The following ZC2HC1B variants were observed in gnomAD, a reference collection of about 807,000 sequenced individuals.
The protein encoded by ZC2HC1B is zinc finger C2HC-type containing 1B.
A neutral mutation model predicts 31.0 loss-of-function variants in ZC2HC1B; 36 were observed. The observed-to-expected ratio is 1.16, with a 90% CI of 0.89 to 1.54. The LOEUF is 1.54. Ranked by LOEUF, ZC2HC1B falls within the 40% of genes most tolerant of loss-of-function variation. The probability of loss-of-function intolerance (pLI) is 0.00; values close to 1 mark genes in which losing one functional copy is unlikely to be tolerated. For synonymous variants in ZC2HC1B, 73 were observed against 88.0 expected, an observed-to-expected ratio of 0.83 and a Z score of 0.95; for missense variants, 260 against 268.6, an observed-to-expected ratio of 0.97 and a Z score of 0.22.
At chr6:143,881,550 CAAAAAAAAAAAAAAAAAA>C (rs1174647223) in intron 1 of ZC2HC1B, 1 of 34,452 alleles carries the variant, frequency 2.9e-5, no homozygotes, top group South Asian at 9.6e-4. Context: ...GACCCTGTCT[CAAAAAAAAAAAAAAAAAA>C]AAAAAAAAAG....
In ZC2HC1B at chr6:143,911,744, T is replaced by G. The variant is rs1777859239; in HGVS notation, c.598+8592T>G. Reference sequence around the variant, plus strand: ...TCTTGAAGAATCTGATTATTATGTGTCTTGGGGATGATCTTCTCAGGGAGT... The same window carrying G: ...TCTTGAAGAATCTGATTATTATGTGGCTTGGGGATGATCTTCTCAGGGAGT... On this transcript the variant is annotated intron_variant, in intron 6 of 7. Transcript: ENST00000237275. The surrounding 1 kb of genome is among the most constrained non-coding windows in gnomAD (Gnocchi z 4.5). 6.6e-6 allele frequency among the ~76,000 whole-genome samples: 1 copy of G among 152,202 alleles called. No individual in the cohort carries two copies.
Position 143,898,663 on chromosome 6 carries a change from C to T in ZC2HC1B, c.461C>T (p.Thr154Ile), listed in dbSNP as rs1480759104. 6.4e-7 allele frequency: 1 copy of T among 1,552,102 alleles called. No homozygotes were observed. Among genetic ancestry groups the T allele is most frequent in the South Asian group, 1.2e-5 (1 of 84,062 alleles). ...SSRRVFNPAQ[T>I]AAKLASRAQG... The stretch of plus-strand genomic sequence containing the variant: ...CGCCGAGTCTTTAATCCAGCTCAGA[C>T]AGCAGCCAAATTGGCATCCAGAGCT... Residue 154 changes from threonine to isoleucine, a missense_variant, in exon 5 of 8, where the codon ACA becomes ATA. Thr to Ile is a moderately conservative substitution (Grantham distance 89). Coordinates refer to ENST00000237275, the MANE Select transcript of ZC2HC1B (RefSeq NM_001013623.3).
Position 143,884,219 on chromosome 6 carries a change from T to TTAAAAA in ZC2HC1B, c.29-85_29-84insTAAAAA. On this transcript the variant is annotated intron_variant, in intron 1 of 7. Transcript: ENST00000237275. The surrounding 1 kb of genome is among the most constrained non-coding windows in gnomAD (Gnocchi z 5.1). ...GGAAAAGAGAGTGAGGATATCAAGC[T>TTAAAAA]ATTGAGGTCACCTCCAGTCAGTCAT... is the stretch of plus-strand genomic sequence containing the variant. 8.1e-7 allele frequency: 1 copy of TTAAAAA among 1,233,562 alleles called. No individual in the cohort carries two copies. The highest frequency in any genetic ancestry group is 1.6e-5 in the South Asian group (1 of 63,512). The allele number at this position is 1,233,562 out of a possible 1,614,324, so 76.4% of individuals were successfully genotyped here. A position where few individuals can be genotyped will look rare whatever the true frequency, so the allele number is the denominator to read the frequency against.
chr6:143,907,608 C>T (rs1326021166), intron 6 of ZC2HC1B, among the ~76,000 whole-genome samples: 1 of 152,110 alleles, frequency 6.6e-6, no homozygotes, highest in East Asian at 1.9e-4. Flanking sequence ...ATGTCCTTTG[C>T]CTACATTTTA....
At chr6:143,928,937 T>G (rs1778085166) in intron 6 of ZC2HC1B, among the ~76,000 whole-genome samples, 1 of 152,180 alleles carries the variant, frequency 6.6e-6, no homozygotes, top group Non-Finnish European at 1.5e-5. Flanking sequence ...TTGTCGATTT[T>G]GTATCCTGGA....
Position 143,865,041 on chromosome 6 carries a change from G to T in ZC2HC1B, c.28+474G>T, listed in dbSNP as rs1354489564. On this transcript the variant is annotated intron_variant, in intron 1 of 7. Transcript: ENST00000237275. This position sits in a 1 kb window ranked among gnomAD's most constrained non-coding sequence, Gnocchi z 4.4. ...TTTAAATCCATATATTATATATTTT[G>T]CAATTAAGAGAAAAAGACTAGGCCA... Among the ~76,000 whole-genome samples the T allele has an allele frequency of 6.6e-6, 1 of 152,170 alleles. No homozygotes were observed. Among genetic ancestry groups the T allele is most frequent in the African/African-American group, 2.4e-5 (1 of 41,444 alleles).
rs562815346 is a variant in ZC2HC1B at position 143,911,826 on chromosome 6, T to C, written c.598+8674T>C. 2.1e-3 allele frequency among the ~76,000 whole-genome samples: 319 copies of C among 152,322 alleles called. 1 individual carries two copies. The highest frequency in any genetic ancestry group is 7.2e-3 in the African/African-American group (300 of 41,574). ...TTGAATATTGGCCTGTCATGCTAGGTTGGGGAAGTGCTGGATTATATCCTA... is the reference window on the plus strand; with the variant it reads ...TTGAATATTGGCCTGTCATGCTAGGCTGGGGAAGTGCTGGATTATATCCTA... On this transcript the variant is annotated intron_variant, in intron 6 of 7. Coordinates refer to ENST00000237275, the MANE Select transcript of ZC2HC1B (RefSeq NM_001013623.3). The surrounding 1 kb of genome is among the most constrained non-coding windows in gnomAD (Gnocchi z 4.5).
In ZC2HC1B at chr6:143,886,151, G is replaced by A; in HGVS notation, c.210G>A (p.Lys70=). Residue 70 remains lysine, a splice_region_variant and synonymous_variant, in exon 3 of 8, where the codon AAG becomes AAA. Transcript: ENST00000237275. The surrounding 1 kb of genome is among the most constrained non-coding windows in gnomAD (Gnocchi z 4.2). ...IPTVKKTPQS[K]SPPVRKSNWR... ...CTGTGAAGAAGACTCCACAATCCAA[G>A]GTACTCCTGATATCTTCTTTAGTGT... The A allele has an allele frequency of 1.3e-6, 2 of 1,532,170 alleles. No homozygotes were observed. Among genetic ancestry groups the A allele is most frequent in the Non-Finnish European group, 1.8e-6 (2 of 1,141,340 alleles). The allele number at this position is 1,532,170 out of a possible 1,614,324, so 94.9% of individuals were successfully genotyped here. A position where few individuals can be genotyped will look rare whatever the true frequency, so the allele number is the denominator to read the frequency against.
intron 6 of ZC2HC1B, among the ~76,000 whole-genome samples, chr6:143,919,261 G>A (rs1174034984): frequency 6.7e-5 from 10 of 148,776 alleles, no homozygotes; most frequent in South Asian, 6.4e-4. Context: ...GTGTGTGTGT[G>A]TGTGTATGTG....
rs1227848502 is a variant in ZC2HC1B at position 143,908,207 on chromosome 6, C to T, written c.598+5055C>T. 3.3e-5 allele frequency among the ~76,000 whole-genome samples: 5 copies of T among 152,020 alleles called. No individual in the cohort carries two copies. Among genetic ancestry groups the T allele is most frequent in the East Asian group, 1.9e-4 (1 of 5,200 alleles). Reference sequence around the variant, plus strand: ...TGTAGTGTAGTTTGAAGTTGGGTAGCGTGATGGCTCCAGCTTTGTTCTTTT... The same window carrying T: ...TGTAGTGTAGTTTGAAGTTGGGTAGTGTGATGGCTCCAGCTTTGTTCTTTT... On this transcript the variant is annotated intron_variant, in intron 6 of 7. Coordinates refer to ENST00000237275, the MANE Select transcript of ZC2HC1B (RefSeq NM_001013623.3). This position sits in a 1 kb window ranked among gnomAD's most constrained non-coding sequence, Gnocchi z 4.4.
At chr6:143,896,435 CA>C (rs929429693) in intron 4 of ZC2HC1B, among the ~76,000 whole-genome samples, 8 of 152,140 alleles carry the variant, frequency 5.3e-5, no homozygotes, top group African/African-American at 1.9e-4. Flanking sequence ...AAATAACCAC[CA>C]AGCTAAAAGC....
chr6:143,898,746 G>A lies in ZC2HC1B; in HGVS notation c.489+55G>A. 7 of 1,544,608 alleles carry A rather than the reference G, an allele frequency of 4.5e-6. No homozygotes were observed. In the South Asian group the frequency reaches 8.4e-5, roughly 18 times the overall value. ...TGTGCCCTTGAATGCCTAGGGGTGA[G>A]CCGGTAGAACTCCCTAGAGAACCTC... On this transcript the variant is annotated intron_variant, in intron 5 of 7. Transcript: ENST00000237275.
At chr6:143,867,442 G>A (rs889161143) in intron 1 of ZC2HC1B, among the ~76,000 whole-genome samples, 1 of 152,220 alleles carries the variant, frequency 6.6e-6, no homozygotes, top group Non-Finnish European at 1.5e-5. Context: ...TTAGATGTCA[G>A]TGAGCAAGGT....
intron 6 of ZC2HC1B, among the ~76,000 whole-genome samples, chr6:143,937,158 A>G (rs1038882758): frequency 1.3e-5 from 2 of 152,072 alleles, no homozygotes; most frequent in African/African-American, 4.8e-5. Flanking sequence ...ACCTAACAAC[A>G]CTGCTGGGCT....
intron 6 of ZC2HC1B, among the ~76,000 whole-genome samples, chr6:143,932,935 A>G (rs906925898): frequency 1.3e-5 from 2 of 152,262 alleles, no homozygotes; most frequent in Non-Finnish European, 2.9e-5. Flanking sequence ...GCCACTCAGC[A>G]GGGCTACCAG....
At chr6:143,930,520 T>A (rs2128497759) in intron 6 of ZC2HC1B, among the ~76,000 whole-genome samples, 1 of 152,022 alleles carries the variant, frequency 6.6e-6, no homozygotes, top group Non-Finnish European at 1.5e-5. Flanking sequence ...TCCGAGTAGC[T>A]GGGACTACAG....
intron 6 of ZC2HC1B, among the ~76,000 whole-genome samples, chr6:143,928,461 G>C (rs1778077265): frequency 6.6e-6 from 1 of 151,990 alleles, no homozygotes; most frequent in African/African-American, 2.4e-5. Context: ...ATTCTGTTCT[G>C]TTGATCTATA....
rs1777536621 is a variant in ZC2HC1B, at chr6:143,886,878, C to T, written c.349+57C>T. ...TATGCTTGACTTTTGACCAAATCAT[C>T]ATGCCCTCTATGCACTCTGAAATTG... On this transcript the variant is annotated intron_variant, in intron 4 of 7. Coordinates refer to ENST00000237275, the MANE Select transcript of ZC2HC1B (RefSeq NM_001013623.3). This position sits in a 1 kb window ranked among gnomAD's most constrained non-coding sequence, Gnocchi z 4.2. The T allele has an allele frequency of 7.1e-7, 1 of 1,415,734 alleles. No homozygotes were observed. Among genetic ancestry groups the T allele is most frequent in the Admixed American group, 3.0e-5 (1 of 33,070 alleles). 87.7% of individuals were successfully genotyped at this position (1,415,734 alleles called of 1,614,324 possible). A position where few individuals can be genotyped will look rare whatever the true frequency, so the allele number is the denominator to read the frequency against.
intron 6 of ZC2HC1B, among the ~76,000 whole-genome samples, chr6:143,927,216 T>C (rs79586628): frequency 0.031 from 4,762 of 152,254 alleles, 114 homozygotes; most frequent in Non-Finnish European, 0.051. Context: ...TATTGCGTAG[T>C]GTTGAGGTCT....
Sources: gnomAD v4.1 joint callset for allele counts (sites outside exome capture counted in the v4.1 genomes callset) on GRCh38, gnomAD v4.1.1 for gene constraint, Gnocchi (gnomAD v3.1) non-coding constraint, MANE v1.5 for transcripts, NCBI Gene and HGNC (gene_info 2026-07-23, HGNC 2026-07-21) for gene names.